The following ACYP2 variants were observed in gnomAD, a reference collection of about 807,000 sequenced individuals.
ACYP2 encodes the protein acylphosphatase 2.
A neutral mutation model predicts 11.2 loss-of-function variants in ACYP2; 12 were observed. The observed-to-expected ratio is 1.08, with a 90% CI of 0.69 to 1.74. ACYP2 has a LOEUF of 1.74. Among genes scored for constraint, ACYP2 ranks in the 40% most tolerant of loss-of-function variants. The pLI is 0.00. For missense variants in ACYP2, 134 were observed against 101.9 expected (o/e 1.31, Z -1.35); for synonymous variants, 43 against 32.2 (o/e 1.33, Z -1.13).
intron 6 of ACYP2, among the ~76,000 whole-genome samples, chr2:54,212,016 G>A (rs760820664): frequency 6.6e-6 from 1 of 152,130 alleles, no homozygotes; most frequent in Admixed American, 6.5e-5. Flanking sequence ...CATAGTGCTT[G>A]GCACATAGTA....
intron 4 of ACYP2, among the ~76,000 whole-genome samples, chr2:54,074,292 C>G (rs917322334): frequency 1.3e-5 from 2 of 152,136 alleles, no homozygotes; most frequent in African/African-American, 2.4e-5. Context: ...TTATAATGAG[C>G]TATGATTGGG....
At chr2:54,002,703 G>A (rs1021748782) in intron 2 of ACYP2, among the ~76,000 whole-genome samples, 1 of 150,594 alleles carries the variant, frequency 6.6e-6, no homozygotes, top group Non-Finnish European at 1.5e-5. Context: ...CCAGGCTGGA[G>A]TGCAATGGTG....
chr2:54,012,905 C>G (rs909157586), intron 2 of ACYP2, among the ~76,000 whole-genome samples: 1 of 152,120 alleles, frequency 6.6e-6, no homozygotes, highest in Non-Finnish European at 1.5e-5. Flanking sequence ...AGTGCTCTGA[C>G]CTGTCTTCTT....
At chr2:54,212,743 A>G (rs553580279) in intron 6 of ACYP2, among the ~76,000 whole-genome samples, 1 of 152,234 alleles carries the variant, frequency 6.6e-6, no homozygotes, top group Non-Finnish European at 1.5e-5. Context: ...GCAGCACAGT[A>G]GCCAAACACA....
chr2:54,055,580 C>G (rs2103622975), intron 3 of ACYP2, among the ~76,000 whole-genome samples: 1 of 152,236 alleles, frequency 6.6e-6, no homozygotes, highest in Admixed American at 6.5e-5. Context: ...AATAGAGGCT[C>G]AGAGAAGTTA....
chr2:54,124,218 G>C (rs567447940), intron 4 of ACYP2, among the ~76,000 whole-genome samples: 1 of 149,196 alleles, frequency 6.7e-6, no homozygotes, highest in Non-Finnish European at 1.5e-5. Flanking sequence ...TTTTGAGACA[G>C]AGTTTCATTC....
chr2:54,115,589 AG>A, intron 4 of ACYP2, 25 bp from the exon 1 acceptor site: 3 of 1,543,036 alleles, frequency 1.9e-6, no homozygotes, highest in Non-Finnish European at 2.6e-6. Flanking sequence ...GACCGGTGAC[AG>A]GCGCGGGGTG....
At chr2:54,138,516 T>C in intron 5 of ACYP2, 123 bp from the exon 3 acceptor site, 1 of 652,136 alleles carries the variant, frequency 1.5e-6, no homozygotes, top group Non-Finnish European at 2.6e-6. Flanking sequence ...ATCTATACAA[T>C]TGTTGGCATT....
intron 6 of ACYP2, among the ~76,000 whole-genome samples, chr2:54,145,712 C>A (rs1681851759): frequency 6.6e-6 from 1 of 152,094 alleles, no homozygotes; most frequent in African/African-American, 2.4e-5. Context: ...CAATACTTGA[C>A]AATATTTTAA....
intron 6 of ACYP2, among the ~76,000 whole-genome samples, chr2:54,181,550 C>T (rs1219788191): frequency 2.0e-5 from 3 of 152,186 alleles, no homozygotes; most frequent in African/African-American, 7.2e-5. Flanking sequence ...CCAGGCCCCA[C>T]ATAAATATTA....
rs577923494 is a variant in ACYP2 at position 54,012,808 on chromosome 2, G to A, written c.63-38150G>A. ...CCAGAGTTTTCCTATTAAAAGCTAA[G>A]CCAGGTCAAGTCACTCTTGGCGCTG... On this transcript the variant is annotated intron_variant, in intron 2 of 6. Transcript: ENST00000607452. Among the ~76,000 whole-genome samples, 6 of 152,186 alleles carry A rather than the reference G, an allele frequency of 3.9e-5. No individual in the cohort carries two copies. The South Asian group carries it at 1.2e-3, about 32-fold the overall frequency.
chr2:53,974,846 G>T (rs1671389677), intron 2 of ACYP2, among the ~76,000 whole-genome samples: 1 of 152,300 alleles, frequency 6.6e-6, no homozygotes, highest in African/African-American at 2.4e-5. Flanking sequence ...ATTTGAAAGA[G>T]AGTGGTTAAA....
chr2:54,237,099 G>GAGATGATT (rs2103976789), intron 6 of ACYP2, among the ~76,000 whole-genome samples: 1 of 152,210 alleles, frequency 6.6e-6, no homozygotes, highest in South Asian at 2.1e-4. Context: ...AAGTAATCTA[G>GAGATGATT]AGATGATTTA....
At chr2:54,250,484 G>GT (rs1687174785) in intron 6 of ACYP2, among the ~76,000 whole-genome samples, 3 of 150,370 alleles carry the variant, frequency 2.0e-5, no homozygotes, top group African/African-American at 7.4e-5. Flanking sequence ...GGGTGGGGGG[G>GT]GCGTTGAAAG....
At chr2:54,015,641 C>T (rs1673638126) in intron 2 of ACYP2, among the ~76,000 whole-genome samples, 1 of 118,422 alleles carries the variant, frequency 8.4e-6, no homozygotes, top group Non-Finnish European at 1.7e-5. Context: ...AGAGTGAGAC[C>T]CCGTCACACA....
rs374685019 is a variant in ACYP2 at position 54,254,983 on chromosome 2, G to A, written c.405-49705G>A. On this transcript the variant is annotated intron_variant, in intron 6 of 6. Coordinates refer to ENST00000607452, the MANE Select transcript of ACYP2 (RefSeq NM_001320586.2). ...TGGCTCCCTTACCAGGCGACGTCTA[G>A]CTCTATGGGCGTCTTCACCCAACAG... 4 of 1,613,994 alleles carry A rather than the reference G, an allele frequency of 2.5e-6. No individual in the cohort carries two copies. The highest frequency in any genetic ancestry group is 3.4e-6 in the Non-Finnish European group (4 of 1,180,032).
chr2:54,048,389 A>G (rs1675638272), intron 2 of ACYP2, among the ~76,000 whole-genome samples: 2 of 152,212 alleles, frequency 1.3e-5, no homozygotes, highest in African/African-American at 4.8e-5. Context: ...TTGTGCCACT[A>G]CATTCCAGCC....
chr2:54,042,576 C>T (rs1007277439), intron 2 of ACYP2, among the ~76,000 whole-genome samples: 1 of 152,182 alleles, frequency 6.6e-6, no homozygotes, highest in African/African-American at 2.4e-5. Context: ...TTTCCACAAA[C>T]ATACAACTTT....
intron 6 of ACYP2, among the ~76,000 whole-genome samples, chr2:54,216,320 CA>C (rs1446474251): frequency 6.6e-6 from 1 of 152,096 alleles, no homozygotes; most frequent in Non-Finnish European, 1.5e-5. Context: ...CTCTTTTTCT[CA>C]AAGTTTTTTG....
Sources: gnomAD v4.1 joint callset for allele counts (sites outside exome capture counted in the v4.1 genomes callset) on GRCh38, gnomAD v4.1.1 for gene constraint, MANE v1.5 for transcripts, NCBI Gene and HGNC (gene_info 2026-07-23, HGNC 2026-07-21) for gene names.